Variants in SGSM1 observed in about 807,000 individuals in gnomAD.
SGSM1 encodes RUN and TBC1 domain containing 2.
A neutral mutation model predicts 133.8 loss-of-function variants in SGSM1; 73 were observed. The ratio of observed to expected loss-of-function variants is 0.55; its 90% CI spans 0.45 to 0.66. The LOEUF (loss-of-function observed/expected upper bound fraction) is 0.66. Ranked by LOEUF, SGSM1 falls within the 30% of genes least tolerant of loss-of-function variation. The pLI is 0.00. For missense variants in SGSM1, 1,213 were observed against 1,448.1 expected, an observed-to-expected ratio of 0.84 and a Z score of 2.64; for synonymous variants, 563 against 573.0, an observed-to-expected ratio of 0.98 and a Z score of 0.25.
intron 15 of SGSM1, among the ~76,000 whole-genome samples, chr22:24,885,908 A>T (rs550365130): frequency 6.6e-6 from 1 of 152,304 alleles, no homozygotes; most frequent in Non-Finnish European, 1.5e-5. Flanking sequence ...TCACGCCAGG[A>T]TATCTGAGGG....
chr22:24,882,692 C>CGGTT (rs1932398481), intron 14 of SGSM1, among the ~76,000 whole-genome samples: 7 of 152,090 alleles, frequency 4.6e-5, no homozygotes, highest in Non-Finnish European at 8.8e-5. Context: ...CTCTGGTAAC[C>CGGTT]ACTAGTCCAC....
At chr22:24,819,207 C>T (rs1289474423) in intron 2 of SGSM1, among the ~76,000 whole-genome samples, 1 of 151,908 alleles carries the variant, frequency 6.6e-6, no homozygotes, top group African/African-American at 2.4e-5. Context: ...TATTGGGCAC[C>T]TACTTTGTCC....
intron 24 of SGSM1, among the ~76,000 whole-genome samples, chr22:24,921,799 A>C (rs1271248622): frequency 6.6e-6 from 1 of 151,902 alleles, no homozygotes; most frequent in Non-Finnish European, 1.5e-5. Context: ...TCCTGGGTTC[A>C]AGTGATTCTC....
intron 24 of SGSM1, among the ~76,000 whole-genome samples, chr22:24,923,679 G>A (rs35276174): frequency 6.6e-6 from 1 of 152,072 alleles, no homozygotes; most frequent in South Asian, 2.1e-4. Flanking sequence ...CTGGAGTGCA[G>A]TGGTGCAATC....
At chr22:24,844,783 C>A in intron 2 of SGSM1, 114 bp from the exon 3 acceptor site, 1 of 862,796 alleles carries the variant, frequency 1.2e-6, no homozygotes, top group South Asian at 1.8e-5. Flanking sequence ...GTCAAAACAT[C>A]CCAAACAGCC....
rs374283931 is a variant in SGSM1, at chr22:24,815,653, G to A, written c.63+9169G>A. 3.3e-5 allele frequency among the ~76,000 whole-genome samples: 5 copies of A among 152,366 alleles called. No individual in the cohort carries two copies. In the South Asian group the frequency reaches 6.2e-4, roughly 19 times the overall value. ...CCAGCTACTCAGGAGGCTGAGGTAGGAGAATGGCGTGAACCTGGGAAGCAG... is the reference window on the plus strand; with the variant it reads ...CCAGCTACTCAGGAGGCTGAGGTAGAAGAATGGCGTGAACCTGGGAAGCAG... On this transcript the variant is annotated intron_variant, in intron 2 of 24. Transcript: ENST00000400358.
intron 2 of SGSM1, among the ~76,000 whole-genome samples, chr22:24,819,534 T>G (rs1238836352): frequency 6.6e-6 from 1 of 152,178 alleles, no homozygotes; most frequent in African/African-American, 2.4e-5. Context: ...ACCCAGCAAA[T>G]AGCAGAGCTG....
chr22:24,884,472 C>G (rs145004260), intron 15 of SGSM1, among the ~76,000 whole-genome samples: 1,535 of 152,256 alleles, frequency 0.01, 22 homozygotes, highest in African/African-American at 0.034. Context: ...TAAGCATCAG[C>G]TGGGATGGGC....
intron 16 of SGSM1, 102 bp downstream of exon 16, chr22:24,886,830 G>A (rs1932635200): frequency 7.2e-7 from 1 of 1,384,498 alleles, no homozygotes; most frequent in African/African-American, 1.5e-5. Flanking sequence ...GGAAGGGGAG[G>A]GAGATACGGG....
intron 22 of SGSM1, among the ~76,000 whole-genome samples, chr22:24,915,229 AAAATAAAT>A (rs55876996): frequency 6.0e-5 from 9 of 151,192 alleles, no homozygotes; most frequent in East Asian, 3.9e-4. Context: ...ACTCCGTCTC[AAAATAAAT>A]AAATAAATAA....
chr22:24,879,018 C>T (rs374040099), intron 13 of SGSM1, among the ~76,000 whole-genome samples: 15 of 152,324 alleles, frequency 9.8e-5, no homozygotes, highest in Middle Eastern at 3.4e-3. Flanking sequence ...CAGACAGGTG[C>T]TTCCTATGCA....
intron 8 of SGSM1, among the ~76,000 whole-genome samples, chr22:24,858,560 C>T (rs1462359383): frequency 2.0e-5 from 3 of 150,136 alleles, no homozygotes; most frequent in Admixed American, 6.7e-5. Flanking sequence ...CACCTAAATC[C>T]GGGAAGCAGA....
chr22:24,899,577 C>CAGTG (rs1227733508), intron 19 of SGSM1, among the ~76,000 whole-genome samples: 1 of 148,552 alleles, frequency 6.7e-6, no homozygotes, highest in Non-Finnish European at 1.5e-5. Flanking sequence ...GGCTGGAGTG[C>CAGTG]AGTGGCGTGA....
chr22:24,825,132 A>T (rs1928725295), intron 2 of SGSM1, among the ~76,000 whole-genome samples: 1 of 152,144 alleles, frequency 6.6e-6, no homozygotes. Flanking sequence ...CCTGAGTTGC[A>T]GCTAGCCAGC....
chr22:24,814,208 T>G (rs1927924572), intron 2 of SGSM1: 1 of 152,032 alleles, frequency 6.6e-6, no homozygotes, highest in African/African-American at 2.4e-5. Flanking sequence ...TTGGAGTGCC[T>G]TCAGTTCACT....
intron 2 of SGSM1, 149 bp downstream of exon 2, chr22:24,806,633 A>G (rs1927406403): frequency 1.1e-6 from 1 of 944,752 alleles, no homozygotes. Context: ...GACCTCCCGC[A>G]GGGCAGGAGG....
intron 2 of SGSM1, among the ~76,000 whole-genome samples, chr22:24,828,225 A>C (rs1928905084): frequency 6.6e-6 from 1 of 152,116 alleles, no homozygotes; most frequent in Admixed American, 6.6e-5. Context: ...CAGGCCATAC[A>C]GAGAGGCCTA....
intron 2 of SGSM1, among the ~76,000 whole-genome samples, chr22:24,827,789 T>A (rs951180746): frequency 3.3e-5 from 5 of 152,064 alleles, no homozygotes; most frequent in African/African-American, 1.2e-4. Context: ...TTGCCCAACA[T>A]CACACATACA....
intron 2 of SGSM1, among the ~76,000 whole-genome samples, chr22:24,822,685 C>A (rs1397028168): frequency 5.9e-5 from 9 of 152,110 alleles, no homozygotes; most frequent in Non-Finnish European, 1.2e-4. Flanking sequence ...TGCCACCGTC[C>A]CCTGGCTCTG....
Sources: allele counts gnomAD v4.1 joint callset (sites outside exome capture counted in the v4.1 genomes callset), GRCh38; gene constraint gnomAD v4.1.1; transcripts MANE v1.5; gene names NCBI Gene and HGNC (gene_info 2026-07-23, HGNC 2026-07-21).